The following MLLT10 variants were observed in gnomAD, a reference collection of about 807,000 sequenced individuals.
The protein encoded by MLLT10 is protein AF-10.
MLLT10 carries 30 observed loss-of-function variants against 129.1 expected under a neutral mutation model. The ratio of observed to expected loss-of-function variants is 0.23; its 90% confidence interval spans 0.17 to 0.32. The LOEUF is 0.32. MLLT10 is among the 10% of genes least tolerant of loss of function. MLLT10 has a pLI of 1.00. For missense variants in MLLT10, 1,119 were observed against 1,268.3 expected (o/e 0.88, Z 1.79); for synonymous variants, 490 against 446.4 (o/e 1.10, Z -1.23).
chr10:21,566,031 C>T (rs1371097118), intron 3 of MLLT10, among the ~76,000 whole-genome samples: 1 of 144,928 alleles, frequency 6.9e-6, no homozygotes, highest in Non-Finnish European at 1.5e-5. Context: ...CGGCTCACTG[C>T]ACCCTCCACC....
rs991306894 is a variant in MLLT10 at position 21,631,313 on chromosome 10, C to CAAAAAAAAA, written c.699+14120_699+14128dup. Among the ~76,000 whole-genome samples the CAAAAAAAAA allele has an allele frequency of 1.7e-4, 8 of 47,764 alleles. 1 individual carries two copies. Among genetic ancestry groups the CAAAAAAAAA allele is most frequent in the Admixed American group, 2.5e-4 (1 of 4,052 alleles). 31.3% of individuals were successfully genotyped at this position (47,764 alleles called of 152,430 possible). On this transcript the variant is annotated intron_variant, in intron 8 of 22. Coordinates refer to ENST00000307729, the MANE Select transcript of MLLT10 (RefSeq NM_001195626.3). ...TGGGCAACAGAGCAAGACTCCGTCT[C>CAAAAAAAAA]AAAAAAAAAAAAAAAAAAAAAAGAA...
intron 3 of MLLT10, among the ~76,000 whole-genome samples, chr10:21,575,999 T>C (rs1419267728): frequency 6.6e-6 from 1 of 152,108 alleles, no homozygotes; most frequent in Non-Finnish European, 1.5e-5. Flanking sequence ...TGATCTTGGC[T>C]CACTGCAGCC....
intron 3 of MLLT10, among the ~76,000 whole-genome samples, chr10:21,560,852 C>A (rs924974271): frequency 4.6e-5 from 7 of 152,024 alleles, no homozygotes; most frequent in Non-Finnish European, 7.4e-5. Context: ...ATCTTTTCAT[C>A]TGCTTCTTGG....
chr10:21,623,568 A>G (rs1167101385), intron 8 of MLLT10, among the ~76,000 whole-genome samples: 1 of 152,220 alleles, frequency 6.6e-6, no homozygotes, highest in Non-Finnish European at 1.5e-5. Flanking sequence ...CTTATTATAT[A>G]TGTCACAACT....
intron 3 of MLLT10, among the ~76,000 whole-genome samples, chr10:21,574,260 TTAA>T (rs963613324): frequency 5.7e-4 from 87 of 152,358 alleles, no homozygotes; most frequent in South Asian, 8.3e-4. Flanking sequence ...CATAAAGTCA[TTAA>T]TAATAATCTT....
chr10:21,681,717 G>C (rs1430626190), intron 12 of MLLT10, among the ~76,000 whole-genome samples: 1 of 151,786 alleles, frequency 6.6e-6, no homozygotes. Context: ...TTGTATATTT[G>C]CACTAGGTGG....
intron 8 of MLLT10, chr10:21,624,546 G>T: frequency 8.7e-7 from 1 of 1,148,772 alleles, no homozygotes; most frequent in Non-Finnish European, 1.2e-6. Flanking sequence ...TAGATCTAGA[G>T]CCAGTCGTAT....
rs186144447 is a variant in MLLT10 at position 21,657,756 on chromosome 10, T to A, written c.795+5988T>A. On this transcript the variant is annotated intron_variant, in intron 9 of 22. Coordinates refer to ENST00000307729, the MANE Select transcript of MLLT10 (RefSeq NM_001195626.3). ...GTCTCTTTCTCTTTGCAGCATTTTT[T>A]AAAAGAGGATAAAGGAGAACCTAAT... 1.8e-3 allele frequency among the ~76,000 whole-genome samples: 273 copies of A among 152,272 alleles called. 2 individuals are homozygous for A. Among genetic ancestry groups the A allele is most frequent in the Non-Finnish European group, 2.7e-3 (186 of 68,016 alleles).
At chr10:21,722,139 T>C (rs1217150685) in intron 14 of MLLT10, among the ~76,000 whole-genome samples, 1 of 152,072 alleles carries the variant, frequency 6.6e-6, no homozygotes, top group East Asian at 1.9e-4. Flanking sequence ...TTGAAATAAT[T>C]TTCGATATAT....
chr10:21,655,912 T>A (rs1473066070), intron 9 of MLLT10, among the ~76,000 whole-genome samples: 1 of 152,120 alleles, frequency 6.6e-6, no homozygotes, highest in Non-Finnish European at 1.5e-5. Context: ...AGTGGAAGGC[T>A]TTCAGCTGTT....
intron 3 of MLLT10, among the ~76,000 whole-genome samples, chr10:21,555,748 A>G (rs956712470): frequency 1.1e-4 from 16 of 148,954 alleles, no homozygotes; most frequent in Non-Finnish European, 1.9e-4. Context: ...GGTCGCCACA[A>G]CCTCTGCCTC....
At chr10:21,610,419 G>A (rs926061017) in intron 5 of MLLT10, among the ~76,000 whole-genome samples, 7 of 152,166 alleles carry the variant, frequency 4.6e-5, no homozygotes, top group Admixed American at 2.6e-4. Flanking sequence ...AGCTGTTGGG[G>A]TGGGGATGCT....
intron 9 of MLLT10, among the ~76,000 whole-genome samples, chr10:21,660,703 G>T (rs1410288369): frequency 6.7e-6 from 1 of 148,430 alleles, no homozygotes; most frequent in Non-Finnish European, 1.5e-5. Flanking sequence ...GCGAAGCCCC[G>T]TATCTACTAA....
chr10:21,653,726 C>T (rs543158542), intron 9 of MLLT10, among the ~76,000 whole-genome samples: 1 of 152,260 alleles, frequency 6.6e-6, no homozygotes, highest in South Asian at 2.1e-4. Flanking sequence ...GATACGTTGG[C>T]GTTGAGATGT....
At chr10:21,660,068 A>G (rs1444822374) in intron 9 of MLLT10, among the ~76,000 whole-genome samples, 4 of 151,932 alleles carry the variant, frequency 2.6e-5, no homozygotes, top group Non-Finnish European at 5.9e-5. Context: ...AGGCTCAAGC[A>G]TACTCCCACC....
At chr10:21,675,174 C>T (rs908243454) in intron 11 of MLLT10, among the ~76,000 whole-genome samples, 1 of 152,090 alleles carries the variant, frequency 6.6e-6, no homozygotes, top group Admixed American at 6.6e-5. Flanking sequence ...AAATAAGATA[C>T]CCAAGATCAC....
upstream of MLLT10, chr10:21,534,122 G>A (rs1470261532): frequency 3.2e-6 from 1 of 314,964 alleles, no homozygotes; most frequent in East Asian, 4.9e-5. Flanking sequence ...GCGCGGGGGA[G>A]GGGGACGGGG....
chr10:21,539,072 T>C, intron 3 of MLLT10, 160 bp downstream of exon 3: 1 of 503,336 alleles, frequency 2.0e-6, no homozygotes, highest in Non-Finnish European at 3.5e-6. Context: ...TTAAACAGAT[T>C]TTGTAAAACT....
chr10:21,741,426 G>A (rs1421719278), intron 22 of MLLT10, among the ~76,000 whole-genome samples: 1 of 152,186 alleles, frequency 6.6e-6, no homozygotes, highest in African/African-American at 2.4e-5. Context: ...ACACAGTGCT[G>A]GGAGGTGCTG....
Sources: allele counts gnomAD v4.1 joint callset (sites outside exome capture counted in the v4.1 genomes callset), GRCh38; gene constraint gnomAD v4.1.1; transcripts MANE v1.5; gene names NCBI Gene and HGNC (gene_info 2026-07-23, HGNC 2026-07-21).